The following POC1B variants were observed in gnomAD, a reference collection of about 807,000 sequenced individuals.
POC1B encodes the protein POC1 centriolar protein homolog B.
Under a neutral mutation model 60.6 loss-of-function variants are expected in POC1B, and 44 were observed. The ratio of observed to expected loss-of-function variants is 0.73; its 90% CI spans 0.57 to 0.93. The LOEUF (loss-of-function observed/expected upper bound fraction) is 0.93. Among genes scored for constraint, POC1B ranks in the 40% least tolerant of loss-of-function variants. The probability of loss-of-function intolerance (pLI) is 0.00; values close to 1 mark genes in which losing one functional copy is unlikely to be tolerated. For synonymous variants in POC1B, 180 were observed against 198.9 expected (o/e 0.90, Z 0.80); for missense variants, 555 against 572.3 (o/e 0.97, Z 0.31).
intron 2 of POC1B, among the ~76,000 whole-genome samples, chr12:89,502,920 T>C (rs1176309272): frequency 2.6e-5 from 4 of 152,218 alleles, no homozygotes; most frequent in Admixed American, 6.5e-5. Context: ...AGTGTTCTTC[T>C]TTTTACTCAG....
chr12:89,496,520 T>C (rs1192296370), intron 3 of POC1B, among the ~76,000 whole-genome samples: 1 of 152,214 alleles, frequency 6.6e-6, no homozygotes, highest in Admixed American at 6.5e-5. Context: ...ATGCTATTCA[T>C]TCTATTTTCA....
intron 9 of POC1B, chr12:89,460,081 A>G (rs1439371180): frequency 2.9e-6 from 1 of 339,026 alleles, no homozygotes; most frequent in Non-Finnish European, 5.8e-6. Flanking sequence ...GTATTAAGAT[A>G]ACAATTAGAA....
chr12:89,438,063 A>T (rs1235517920), intron 10 of POC1B, among the ~76,000 whole-genome samples: 1 of 151,760 alleles, frequency 6.6e-6, no homozygotes, highest in East Asian at 1.9e-4. Context: ...AAAAAAAAAA[A>T]AAATTAAAAA....
At chr12:89,476,070 C>T (rs1883092047) in intron 4 of POC1B, among the ~76,000 whole-genome samples, 1 of 151,784 alleles carries the variant, frequency 6.6e-6, no homozygotes, top group Admixed American at 6.6e-5. Context: ...CCTTGCACGG[C>T]GAAGTTTTGT....
chr12:89,521,972 T>C (rs948585377), intron 2 of POC1B: 3 of 398,834 alleles, frequency 7.5e-6, no homozygotes, highest in African/African-American at 6.2e-5. Context: ...GATTAAGCAT[T>C]AACAAAGGGA....
chr12:89,501,630 G>A (rs1388054632), intron 2 of POC1B: 4 of 1,229,176 alleles, frequency 3.3e-6, no homozygotes, highest in African/African-American at 1.5e-5. Context: ...ACAAACTTGT[G>A]TCTGAAGAAG....
chr12:89,505,398 T>C (rs547996590), intron 2 of POC1B, among the ~76,000 whole-genome samples: 57 of 152,344 alleles, frequency 3.7e-4, no homozygotes, highest in Admixed American at 7.2e-4. Flanking sequence ...CTATTCACAA[T>C]AGATCAAAGC....
At chr12:89,515,805 G>C (rs1870416342) in intron 2 of POC1B, among the ~76,000 whole-genome samples, 1 of 152,122 alleles carries the variant, frequency 6.6e-6, no homozygotes. Context: ...CCAGACCCAT[G>C]TTCTCCATTG....
At position 89,425,237 on chromosome 12, in the gene POC1B, T is replaced by C. The variant is rs772620364; in HGVS notation, c.1256A>G (p.Glu419Gly). The change falls in exon 11 of 12, where the codon GAA (glutamate) becomes GGA (glycine). Residue 419 changes from glutamate (E) to glycine (G), a missense_variant. Physicochemically the swap from Glu to Gly is moderately conservative, Grantham distance 98 (BLOSUM62 -2). Coordinates refer to ENST00000313546, the MANE Select transcript of POC1B (RefSeq NM_172240.3). ...KTEDMSDLPC[E>G]SQRSIPLAVT... ...AGCGAGAGGTATGCTCCTTTGACTT[T>C]CACAGGGGAGGTCACTCATGTCTTC... 1 of 1,614,202 alleles carries C rather than the reference T, an allele frequency of 6.2e-7. No homozygotes were observed. Among genetic ancestry groups the C allele is most frequent in the South Asian group, 1.1e-5 (1 of 91,084 alleles).
chr12:89,478,754 T>G (rs1883211407), intron 4 of POC1B, among the ~76,000 whole-genome samples: 1 of 152,178 alleles, frequency 6.6e-6, no homozygotes, highest in Admixed American at 6.5e-5. Context: ...TTTCACAAAA[T>G]CTTTTCAATT....
intron 10 of POC1B, among the ~76,000 whole-genome samples, chr12:89,438,458 A>AAAAC (rs373774915): frequency 4.0e-3 from 608 of 152,332 alleles, no homozygotes; most frequent in African/African-American, 0.011. Flanking sequence ...CTCCGTCTCA[A>AAAAC]AAACAAACAA....
chr12:89,524,701 G>C, intron 2 of POC1B: 1 of 793,438 alleles, frequency 1.3e-6, no homozygotes, highest in Non-Finnish European at 2.0e-6. Flanking sequence ...AGGCTTTCCA[G>C]GGGTCACCTG....
At chr12:89,432,214 T>C (rs1053669178) in intron 10 of POC1B, among the ~76,000 whole-genome samples, 1 of 151,704 alleles carries the variant, frequency 6.6e-6, no homozygotes, top group Non-Finnish European at 1.5e-5. Flanking sequence ...TGAAACCCTG[T>C]CTCTACTAAA....
intron 10 of POC1B, among the ~76,000 whole-genome samples, chr12:89,433,562 GA>G (rs1467674728): frequency 6.6e-6 from 1 of 152,202 alleles, no homozygotes; most frequent in Admixed American, 6.5e-5. Context: ...TGTAATGATG[GA>G]CCACAGAATG....
intron 4 of POC1B, among the ~76,000 whole-genome samples, chr12:89,473,859 C>T (rs1346547468): frequency 6.6e-6 from 1 of 151,798 alleles, no homozygotes; most frequent in Non-Finnish European, 1.5e-5. Context: ...ATATATAGAA[C>T]CTGGGGAAAA....
At chr12:89,465,052 C>CT (rs376869337) in intron 9 of POC1B, among the ~76,000 whole-genome samples, 14 of 152,212 alleles carry the variant, frequency 9.2e-5, no homozygotes, top group African/African-American at 3.4e-4. Flanking sequence ...CAATTGAACT[C>CT]TAATTCCACG....
At chr12:89,523,240 A>G in intron 2 of POC1B, 1 of 1,614,060 alleles carries the variant, frequency 6.2e-7, no homozygotes, top group Non-Finnish European at 8.5e-7. Flanking sequence ...ATCCTCTGGA[A>G]CATGTAAATT....
At chr12:89,471,857 T>G (rs2120851497) in intron 5 of POC1B, 128 bp from the exon 6 acceptor site, 1 of 601,210 alleles carries the variant, frequency 1.7e-6, no homozygotes, top group East Asian at 3.1e-5. Context: ...AACCTCCGCC[T>G]CCTGGGTTCA....
At chr12:89,525,650 G>A in intron 1 of POC1B, 3 of 1,272,326 alleles carry the variant, frequency 2.4e-6, no homozygotes, top group Non-Finnish European at 3.0e-6. Flanking sequence ...AGCTCAGTCC[G>A]GAGCTCCGGA....
Sources: allele counts gnomAD v4.1 joint callset (sites outside exome capture counted in the v4.1 genomes callset), GRCh38; gene constraint gnomAD v4.1.1; transcripts MANE v1.5; gene names NCBI Gene and HGNC (gene_info 2026-07-23, HGNC 2026-07-21).